The following TDRD1 variants were observed in gnomAD, a reference collection of about 807,000 sequenced individuals.
TDRD1 encodes tudor domain containing 1, also known as tudor domain-containing protein 1.
Under a neutral mutation model 140.6 loss-of-function variants are expected in TDRD1, and 37 were observed. That is an observed-to-expected ratio of 0.26 (90% CI 0.20 to 0.35). The LOEUF (loss-of-function observed/expected upper bound fraction) is 0.35. TDRD1 is among the 10% of genes least tolerant of loss of function. The pLI, the probability that TDRD1 is intolerant of heterozygous loss-of-function variation, is 1.00. For synonymous variants in TDRD1, 506 were observed against 475.7 expected (o/e 1.06, Z -0.83); for missense variants, 1,243 against 1,393.0 (o/e 0.89, Z 1.71).
At chr10:114,228,207 T>A in intron 25 of TDRD1, 8 of 1,478,572 alleles carry the variant, frequency 5.4e-6, no homozygotes, top group Non-Finnish European at 6.3e-6. Flanking sequence ...AGGATAGAGC[T>A]AATGGAGTGA....
At chr10:114,228,093 A>G (rs2036544047) in exon 25 of TDRD1, 1 of 1,604,408 alleles carries the variant, frequency 6.2e-7, no homozygotes, top group Non-Finnish European at 8.5e-7. Context: ...ACCAATCAAA[A>G]TAAATTTATT....
At chr10:114,225,836 T>C (rs970414199) in intron 21 of TDRD1, among the ~76,000 whole-genome samples, 5 of 150,272 alleles carry the variant, frequency 3.3e-5, no homozygotes, top group African/African-American at 1.2e-4. Context: ...CAGCCTGGGC[T>C]GCAGAGCCAG....
At chr10:114,231,495 C>T in exon 26 of TDRD1, 1 of 1,602,134 alleles carries the variant, frequency 6.2e-7, no homozygotes, top group Non-Finnish European at 8.5e-7. Context: ...GAAACAGCAT[C>T]TCTTGGAGGT....
At chr10:114,186,295 G>T (rs1441636692) in intron 1 of TDRD1, among the ~76,000 whole-genome samples, 1 of 151,834 alleles carries the variant, frequency 6.6e-6, no homozygotes, top group African/African-American at 2.4e-5. Flanking sequence ...ATGGAGTCTC[G>T]CTGTGTTGCC....
At position 114,190,987 on chromosome 10, in the gene TDRD1, G is replaced by A. The variant is rs1564935642; in HGVS notation, c.352G>A (p.Glu118Lys). 2.5e-6 allele frequency: 4 copies of A among 1,613,920 alleles called. No individual in the cohort carries two copies. The highest frequency in any genetic ancestry group is 3.4e-6 in the Non-Finnish European group (4 of 1,179,994). The change falls in exon 3 of 26, where the codon GAA becomes AAA. Residue 118 changes from glutamate (E) to lysine (K), a missense_variant. Physicochemically the swap from Glu to Lys is moderately conservative, Grantham distance 56. Transcript: ENST00000251864. ...AAACTCAGTGTCACCACCAAGTGCT[G>A]AAAGTAATTCACCACCCAAAGAAGT... is the stretch of plus-strand genomic sequence containing the variant.
At chr10:114,204,253 C>G (rs767751913) in intron 9 of TDRD1, 37 bp downstream of exon 9, 4 of 1,553,414 alleles carry the variant, frequency 2.6e-6, no homozygotes, top group Non-Finnish European at 3.5e-6. Context: ...TTAATAGTGT[C>G]CCAAAGGAGC....
At chr10:114,203,321 G>A in intron 7 of TDRD1, 67 bp from the exon 8 acceptor site, 2 of 1,537,568 alleles carry the variant, frequency 1.3e-6, no homozygotes, top group Non-Finnish European at 8.7e-7. Context: ...TAGTTACAAA[G>A]CTTTAAGAAA....
At chr10:114,190,933 T>C (rs1024966931) in intron 2 of TDRD1, 28 bp from the exon 3 acceptor site, 7 of 1,609,096 alleles carry the variant, frequency 4.4e-6, no homozygotes, top group South Asian at 2.2e-5. Context: ...ATTTGGCTTT[T>C]ATTTGAAATT....
chr10:114,186,466 G>A (rs564413560), intron 1 of TDRD1, among the ~76,000 whole-genome samples: 5 of 151,754 alleles, frequency 3.3e-5, no homozygotes, highest in East Asian at 1.9e-4. Flanking sequence ...GGGTTTCACC[G>A]TGTTAGCCAA....
intron 14 of TDRD1, among the ~76,000 whole-genome samples, chr10:114,212,661 G>A (rs2035560926): frequency 6.6e-6 from 1 of 152,144 alleles, no homozygotes; most frequent in African/African-American, 2.4e-5. Context: ...TTGCTGATTT[G>A]TAAGTGCCCT....
intron 21 of TDRD1, among the ~76,000 whole-genome samples, chr10:114,223,597 G>A (rs569972000): frequency 6.6e-6 from 1 of 152,324 alleles, no homozygotes; most frequent in South Asian, 2.1e-4. Context: ...TCTTTTGTAT[G>A]AGAACTGGAT....
chr10:114,196,768 GGCTCACTCA>G (rs905508777), intron 3 of TDRD1, among the ~76,000 whole-genome samples: 3 of 149,408 alleles, frequency 2.0e-5, no homozygotes, highest in African/African-American at 7.4e-5. Context: ...TTTACTCTGG[GGCTCACTCA>G]GCTTCTTGAA....
chr10:114,227,055 A>C lies in TDRD1; in HGVS notation c.3176-17A>C, dbSNP rs996324226. ...TTTTAAAAGGGACTAAAAGACTATA[A>C]TATCTATTTTTTCCAGGATTAATGG... On this transcript the variant is annotated splice_polypyrimidine_tract_variant and intron_variant, in intron 22 of 25. Coordinates refer to ENST00000251864, the Ensembl canonical transcript of TDRD1. The C allele has an allele frequency of 1.9e-5, 25 of 1,288,154 alleles. No individual in the cohort carries two copies. The highest frequency in any genetic ancestry group is 2.7e-5 in the Non-Finnish European group (24 of 902,936). The allele number at this position is 1,288,154 out of a possible 1,614,324, so 79.8% of individuals were successfully genotyped here.
intron 22 of TDRD1, among the ~76,000 whole-genome samples, chr10:114,226,856 C>A (rs1325049024): frequency 2.0e-5 from 3 of 152,040 alleles, no homozygotes; most frequent in Non-Finnish European, 2.9e-5. Flanking sequence ...TGTTTCGTGC[C>A]CTCTAGTCCA....
In TDRD1 at chr10:114,213,423, A is replaced by G. The variant is rs1326023690; in HGVS notation, c.1909A>G (p.Thr637Ala). ...AAAACTTGTACAGAACAAAATAATC[A>G]CAGTGAAAGTGGTGGACAAGTTGGA... The change falls in exon 15 of 26, where the codon ACA becomes GCA. Residue 637 changes from threonine to alanine, a missense_variant. By Grantham distance (58) the Thr-to-Ala change is moderately conservative. Transcript: ENST00000251864. 8 of 1,614,004 alleles carry G rather than the reference A, an allele frequency of 5.0e-6. No homozygotes were observed. The African/African-American group carries it at 9.3e-5, about 19-fold the overall frequency.
chr10:114,206,474 T>A, intron 11 of TDRD1, 144 bp downstream of exon 11: 2 of 592,052 alleles, frequency 3.4e-6, no homozygotes, highest in South Asian at 4.8e-5. Flanking sequence ...TGTTTTATAT[T>A]TAGTAGTATA....
In TDRD1 at chr10:114,227,902, G is replaced by A. The variant is rs1377757973; in HGVS notation, c.3404-8G>A. On this transcript the variant is annotated splice_polypyrimidine_tract_variant and splice_region_variant and intron_variant, in intron 23 of 25. Coordinates refer to ENST00000251864, the Ensembl canonical transcript of TDRD1. Reference sequence around the variant, plus strand: ...TTATCTAATGGCTTATTTTTCTTGTGCTTTTAGAAAAGATGTATAGGATGA... The same window carrying A: ...TTATCTAATGGCTTATTTTTCTTGTACTTTTAGAAAAGATGTATAGGATGA... The A allele has an allele frequency of 1.2e-6, 2 of 1,612,086 alleles. No individual in the cohort carries two copies. Among genetic ancestry groups the A allele is most frequent in the Admixed American group, 1.7e-5 (1 of 59,928 alleles).
At chr10:114,225,135 C>A (rs1192141583) in intron 21 of TDRD1, among the ~76,000 whole-genome samples, 1 of 152,206 alleles carries the variant, frequency 6.6e-6, no homozygotes, top group African/African-American at 2.4e-5. Context: ...CAGTCCATGC[C>A]CTCTGTGGTT....
intron 25 of TDRD1, chr10:114,228,757 C>T: frequency 1.0e-6 from 1 of 985,398 alleles, no homozygotes; most frequent in Non-Finnish European, 1.2e-6. Context: ...AGATGGTTCT[C>T]AGAAATAAAT....
Sources: allele counts gnomAD v4.1 joint callset (sites outside exome capture counted in the v4.1 genomes callset), GRCh38; gene constraint gnomAD v4.1.1; transcripts MANE v1.5; gene names NCBI Gene and HGNC (gene_info 2026-07-23, HGNC 2026-07-21).